FAM167A: variants seen among roughly 807,000 people sequenced by gnomAD.
FAM167A encodes the protein family with sequence similarity 167 member A, also known as protein FAM167A.
Under a neutral mutation model 14.9 loss-of-function variants are expected in FAM167A, and 23 were observed. The observed-to-expected ratio is 1.55, with a 90% CI of 1.11 to 2.19. The LOEUF (loss-of-function observed/expected upper bound fraction) is 2.19. Ranked by LOEUF, FAM167A falls within the 30% of genes most tolerant of loss-of-function variation. The probability of loss-of-function intolerance (pLI) is 0.00; values close to 1 mark genes in which losing one functional copy is unlikely to be tolerated. For missense variants in FAM167A, 401 were observed against 281.5 expected, an observed-to-expected ratio of 1.42 and a Z score of -3.04; for synonymous variants, 174 against 117.7, an observed-to-expected ratio of 1.48 and a Z score of -3.10.
intron 2 of FAM167A, among the ~76,000 whole-genome samples, chr8:11,428,718 G>C (rs1479963462): frequency 6.6e-6 from 1 of 152,226 alleles, no homozygotes; most frequent in Non-Finnish European, 1.5e-5. Flanking sequence ...CCAAAGAACA[G>C]GGTTTGTCCC....
intron 1 of FAM167A, among the ~76,000 whole-genome samples, chr8:11,454,975 T>C (rs1181682781): frequency 2.6e-5 from 4 of 151,090 alleles, no homozygotes; most frequent in Non-Finnish European, 5.9e-5. Flanking sequence ...CCCTGCTGTC[T>C]AGCCCTGGCG....
At chr8:11,474,376 C>T (rs1797803858) in intron 1 of FAM167A, among the ~76,000 whole-genome samples, 1 of 152,176 alleles carries the variant, frequency 6.6e-6, no homozygotes, top group Non-Finnish European at 1.5e-5. Flanking sequence ...CTGACACCAG[C>T]AAAACAGGAC....
Position 11,421,939 on chromosome 8 carries a change from A to C in FAM167A, c.*2434T>G. ...TGTGGTTAGTTGTGTTCACTGTGCA[A>C]AGTAAGGAAGCCAGTCAACACTGGA... On this transcript the variant is annotated 3_prime_UTR_variant, in exon 3 of 3. Coordinates refer to ENST00000284486, the MANE Select transcript of FAM167A (RefSeq NM_053279.3). 2.5e-6 allele frequency: 1 copy of C among 397,960 alleles called. No homozygotes were observed. The highest frequency in any genetic ancestry group is 4.4e-6 in the Non-Finnish European group (1 of 225,930). 24.7% of individuals were successfully genotyped at this position (397,960 alleles called of 1,614,324 possible).
At chr8:11,461,501 C>T (rs754785878) in intron 1 of FAM167A, among the ~76,000 whole-genome samples, 2 of 152,244 alleles carry the variant, frequency 1.3e-5, no homozygotes, top group Non-Finnish European at 2.9e-5. Context: ...TTAAAGCAAT[C>T]TGCAGAGATG....
chr8:11,422,003 A>C lies in FAM167A; in HGVS notation c.*2370T>G, dbSNP rs1428979309. 1 of 395,450 alleles carries C rather than the reference A, an allele frequency of 2.5e-6. No homozygotes were observed. The highest frequency in any genetic ancestry group is 4.4e-6 in the Non-Finnish European group (1 of 224,726). The allele number at this position is 395,450 out of a possible 1,614,324, so 24.5% of individuals were successfully genotyped here. A position where few individuals can be genotyped will look rare whatever the true frequency, so the allele number is the denominator to read the frequency against. On this transcript the variant is annotated 3_prime_UTR_variant, in exon 3 of 3. Coordinates refer to ENST00000284486, the MANE Select transcript of FAM167A (RefSeq NM_053279.3). ...ACATCGCTGTCCCCCTCCACTTCTC[A>C]TCTTGGGTCACCTCCTCATCCCATA... is the stretch of plus-strand genomic sequence containing the variant.
At chr8:11,461,719 G>T (rs1022203086) in intron 1 of FAM167A, among the ~76,000 whole-genome samples, 1 of 152,242 alleles carries the variant, frequency 6.6e-6, no homozygotes, top group African/African-American at 2.4e-5. Context: ...TGAATCCACA[G>T]GATAATTGGC....
intron 1 of FAM167A, among the ~76,000 whole-genome samples, chr8:11,448,357 G>A (rs1585264823): frequency 6.6e-6 from 1 of 152,192 alleles, no homozygotes; most frequent in East Asian, 1.9e-4. Flanking sequence ...GGTTACAAAT[G>A]TGAGCTCTCA....
intron 2 of FAM167A, among the ~76,000 whole-genome samples, chr8:11,427,513 G>C (rs145587576): frequency 1.3e-5 from 2 of 152,292 alleles, no homozygotes; most frequent in African/African-American, 4.8e-5. Flanking sequence ...GAGCCAAACT[G>C]ATTAGAAAAA....
intron 2 of FAM167A, among the ~76,000 whole-genome samples, chr8:11,429,990 G>A (rs1483808438): frequency 1.3e-5 from 2 of 152,164 alleles, no homozygotes; most frequent in South Asian, 2.1e-4. Context: ...CCAGGCCAAG[G>A]CACAGAACAT....
chr8:11,456,504 AGTGT>A (rs1807318416), intron 1 of FAM167A, among the ~76,000 whole-genome samples: 1 of 29,046 alleles, frequency 3.4e-5, no homozygotes, highest in African/African-American at 1.6e-4. Context: ...TGGGTGTGTG[AGTGT>A]GAGTGTGGGG....
Position 11,423,466 on chromosome 8 carries a change from T to C in FAM167A, c.*907A>G, listed in dbSNP as rs1040557438. 6.6e-6 allele frequency: 1 copy of C among 152,564 alleles called. No homozygotes were observed. Among genetic ancestry groups the C allele is most frequent in the Non-Finnish European group, 1.5e-5 (1 of 68,046 alleles). The allele number at this position is 152,564 out of a possible 1,614,324, so 9.5% of individuals were successfully genotyped here. ...GCTCAGGATGGGCCTCTGGGCTCCCTAGATTGTCTTTCCAGAGAGGGCAGT... is the reference window on the plus strand; with the variant it reads ...GCTCAGGATGGGCCTCTGGGCTCCCCAGATTGTCTTTCCAGAGAGGGCAGT... On this transcript the variant is annotated 3_prime_UTR_variant, in exon 3 of 3. Transcript: ENST00000284486.
At chr8:11,433,278 G>A (rs780654761) in intron 2 of FAM167A, among the ~76,000 whole-genome samples, 2 of 152,094 alleles carry the variant, frequency 1.3e-5, no homozygotes, top group Non-Finnish European at 2.9e-5. Context: ...CTCTATGAAG[G>A]TGTTACCTTT....
At chr8:11,456,972 TGGGTTAGGGATGTAGGTGGGG>T (rs1398048065) in intron 1 of FAM167A, among the ~76,000 whole-genome samples, 1 of 18,524 alleles carries the variant, frequency 5.4e-5, no homozygotes, top group Non-Finnish European at 1.2e-4. Context: ...TGGGCGGGGC[TGGGTTAGGGATGTAGGTGGGG>T]CTGGGTTAGG....
At chr8:11,445,818 T>C (rs1243912643) in intron 1 of FAM167A, among the ~76,000 whole-genome samples, 2 of 132,620 alleles carry the variant, frequency 1.5e-5, no homozygotes, top group Non-Finnish European at 3.3e-5. Flanking sequence ...TAAGGGTGTG[T>C]TTTAAAAAAA....
upstream of FAM167A, among the ~76,000 whole-genome samples, chr8:11,471,882 C>T (rs1807972499): frequency 6.6e-6 from 1 of 152,132 alleles, no homozygotes; most frequent in Non-Finnish European, 1.5e-5. Context: ...CTGAGCTGCT[C>T]CCCTGTCCAA....
At chr8:11,434,210 G>A (rs918247180) in intron 2 of FAM167A, 2 of 152,284 alleles carry the variant, frequency 1.3e-5, no homozygotes, top group African/African-American at 4.8e-5. Context: ...GGAGGCTGCA[G>A]CCCAGCGGGA....
At chr8:11,453,490 C>T (rs74546638) in intron 1 of FAM167A, among the ~76,000 whole-genome samples, 3 of 152,062 alleles carry the variant, frequency 2.0e-5, no homozygotes, top group African/African-American at 7.2e-5. Context: ...ATGAAGAGAC[C>T]GAGGCACAGA....
chr8:11,451,067 A>G (rs1020177337), intron 1 of FAM167A, among the ~76,000 whole-genome samples: 4 of 152,240 alleles, frequency 2.6e-5, no homozygotes, highest in Admixed American at 6.5e-5. Flanking sequence ...CTCTTCTGGA[A>G]AGTGCATCCC....
chr8:11,428,585 T>C (rs1314127159), intron 2 of FAM167A, among the ~76,000 whole-genome samples: 3 of 152,212 alleles, frequency 2.0e-5, no homozygotes, highest in Non-Finnish European at 4.4e-5. Flanking sequence ...GGGCTTTGGT[T>C]CTGAGGGCAT....
Sources: gnomAD v4.1 joint callset for allele counts (sites outside exome capture counted in the v4.1 genomes callset) on GRCh38, gnomAD v4.1.1 for gene constraint, MANE v1.5 for transcripts, NCBI Gene and HGNC (gene_info 2026-07-23, HGNC 2026-07-21) for gene names.